The following BOC variants were observed in gnomAD, a reference collection of about 807,000 sequenced individuals.
The protein encoded by BOC is brother of CDO.
In BOC, 76 loss-of-function variants were observed where a neutral mutation model predicts 112.0. The ratio of observed to expected loss-of-function variants is 0.68; its 90% confidence interval spans 0.56 to 0.82. The LOEUF (loss-of-function observed/expected upper bound fraction) is 0.82, where lower values mean the gene tolerates loss of function less well. BOC is among the 40% of genes least tolerant of loss of function. BOC has a pLI of 0.00. For missense variants in BOC, 1,309 were observed against 1,511.7 expected (o/e 0.87, Z 2.22); for synonymous variants, 580 against 599.8 (o/e 0.97, Z 0.48).
intron 18 of BOC, among the ~76,000 whole-genome samples, chr3:113,285,077 G>A (rs16860787): frequency 0.2 from 29,692 of 152,248 alleles, 3,625 homozygotes; most frequent in East Asian, 0.44. Flanking sequence ...TTGGCATCTC[G>A]GAATCCTCCG....
At chr3:113,276,230 C>A (rs944961630) in intron 9 of BOC, among the ~76,000 whole-genome samples, 4 of 152,230 alleles carry the variant, frequency 2.6e-5, no homozygotes, top group Non-Finnish European at 5.9e-5. Context: ...GGCCGTGAAG[C>A]AGCCTCGCAG....
rs777871713 is a variant in BOC at position 113,273,215 on chromosome 3, C to T, written c.1108C>T (p.Arg370Trp). 2.7e-5 allele frequency: 43 copies of T among 1,613,716 alleles called. No individual in the cohort carries two copies. In the Middle Eastern group the frequency reaches 6.6e-4, roughly 25 times the overall value. ...GCCCCTCATCTCCAGCCAGCGCCTCCGGCTCTCCCGCAGGGCCCTGCGCGT... is the reference window on the plus strand; with the variant it reads ...GCCCCTCATCTCCAGCCAGCGCCTCTGGCTCTCCCGCAGGGCCCTGCGCGT... ...AVPLISSQRL[R>W]LSRRALRVLS... The change falls in exon 8 of 20, where the codon CGG (arginine) becomes TGG (tryptophan). Residue 370 changes from arginine to tryptophan, a missense_variant. Physicochemically the swap from Arg to Trp is moderately radical, Grantham distance 101. Coordinates refer to ENST00000682979, the MANE Select transcript of BOC (RefSeq NM_001378074.1).
At chr3:113,271,413 G>A (rs571524901) in intron 6 of BOC, 172 of 345,920 alleles carry the variant, frequency 5.0e-4, no homozygotes, top group African/African-American at 3.5e-3. Flanking sequence ...GTGAGCTTCC[G>A]GGAGGCCCAC....
At position 113,286,907 on chromosome 3, in the gene BOC, A is replaced by C. The variant is rs5022662; in HGVS notation, c.*45A>C. The C allele has an allele frequency of 2.7e-6, 3 of 1,123,124 alleles. No homozygotes were observed. Among genetic ancestry groups the C allele is most frequent in the Non-Finnish European group, 2.4e-6 (2 of 835,170 alleles). 69.6% of individuals were successfully genotyped at this position (1,123,124 alleles called of 1,614,324 possible). ...AAAGACTATATATTGTTTTTTTTTT[A>C]AAAAAAAAAAGAAGAAAAAAGAGAC... On this transcript the variant is annotated 3_prime_UTR_variant, in exon 20 of 20. Coordinates refer to ENST00000682979, the MANE Select transcript of BOC (RefSeq NM_001378074.1).
Position 113,278,913 on chromosome 3 carries a change from A to G in BOC, c.1816+130A>G. 1.3e-6 allele frequency: 1 copy of G among 761,612 alleles called. No individual in the cohort carries two copies. Among genetic ancestry groups the G allele is most frequent in the Non-Finnish European group, 2.1e-6 (1 of 471,290 alleles). 47.2% of individuals were successfully genotyped at this position (761,612 alleles called of 1,614,324 possible). On this transcript the variant is annotated intron_variant, in intron 11 of 19. Coordinates refer to ENST00000682979, the MANE Select transcript of BOC (RefSeq NM_001378074.1). This position sits in a 1 kb window ranked among gnomAD's most constrained non-coding sequence, Gnocchi z 4.2. Reference sequence around the variant, plus strand: ...TTATGACATCTCCCAGTTAACCACAATGAGGAAATGTAGTTTGGAGCTTTT... The same window carrying G: ...TTATGACATCTCCCAGTTAACCACAGTGAGGAAATGTAGTTTGGAGCTTTT...
chr3:113,222,657 C>T (rs780508704), intron 2 of BOC, among the ~76,000 whole-genome samples: 54 of 152,344 alleles, frequency 3.5e-4, no homozygotes, highest in Non-Finnish European at 5.0e-4. Context: ...ATCTGTTGAA[C>T]GTCTGCTTTG....
intron 2 of BOC, among the ~76,000 whole-genome samples, chr3:113,218,244 C>T (rs540266750): frequency 1.3e-5 from 2 of 152,220 alleles, no homozygotes; most frequent in South Asian, 2.1e-4. Flanking sequence ...AGCCCTCCCC[C>T]ACCTTCCCTG....
intron 2 of BOC, among the ~76,000 whole-genome samples, 161 bp from the exon 3 acceptor site, chr3:113,249,561 T>C (rs1559838579): frequency 6.6e-6 from 1 of 152,132 alleles, no homozygotes; most frequent in Non-Finnish European, 1.5e-5. Flanking sequence ...AGATGAGAAA[T>C]GGCACTATAG....
Position 113,273,075 on chromosome 3 carries a change from C to G in BOC, c.968C>G (p.Pro323Arg), listed in dbSNP as rs1229800415. Reference sequence around the variant, plus strand: ...TGCTCTGGTTTCCTGGCAGAACCCCCTGAGGTCACCATGGAGCTATCCCAG... The same window carrying G: ...TGCTCTGGTTTCCTGGCAGAACCCCGTGAGGTCACCATGGAGCTATCCCAG... The part of the protein sequence containing the change: ...ILYNVQVFEP[P>R]EVTMELSQLV... Residue 323 changes from proline to arginine, a missense_variant, in exon 8 of 20, where the codon CCT (proline) becomes CGT (arginine). Transcript: ENST00000682979. The G allele has an allele frequency of 6.3e-7, 1 of 1,599,410 alleles. No homozygotes were observed.
At chr3:113,272,828 A>G (rs560203947) in intron 7 of BOC, 125 bp downstream of exon 7, 3 of 1,234,366 alleles carry the variant, frequency 2.4e-6, no homozygotes, top group Non-Finnish European at 2.3e-6. Context: ...TGAGTGAGGA[A>G]CAGGCATGCT....
chr3:113,252,817 C>A (rs1034455260), intron 4 of BOC, among the ~76,000 whole-genome samples: 1 of 152,106 alleles, frequency 6.6e-6, no homozygotes, highest in African/African-American at 2.4e-5. Flanking sequence ...TGCCTGGCCT[C>A]GGGGAGCAGC....
chr3:113,265,256 C>T (rs150685404), intron 4 of BOC, among the ~76,000 whole-genome samples: 3 of 152,298 alleles, frequency 2.0e-5, no homozygotes, highest in South Asian at 2.1e-4. Flanking sequence ...TGCCAAACTC[C>T]TTTCAGTTCC....
At chr3:113,216,307 C>G in intron 2 of BOC, 33 bp downstream of exon 2, 1 of 456,066 alleles carries the variant, frequency 2.2e-6, no homozygotes, top group Non-Finnish European at 4.4e-6. Flanking sequence ...TCTGATAGCT[C>G]TGGCCTATTA....
At chr3:113,286,043 G>A (rs1034725457) in intron 19 of BOC, among the ~76,000 whole-genome samples, 2 of 152,076 alleles carry the variant, frequency 1.3e-5, no homozygotes, top group African/African-American at 2.4e-5. Context: ...GTACTTCCAC[G>A]GAACTTTTTC....
At chr3:113,223,311 G>C (rs1941071394) in intron 2 of BOC, among the ~76,000 whole-genome samples, 1 of 152,148 alleles carries the variant, frequency 6.6e-6, no homozygotes, top group African/African-American at 2.4e-5. Context: ...TTATAGAAAA[G>C]GTTAAGCAAA....
At position 113,286,843 on chromosome 3, in the gene BOC, C is replaced by T. The variant is rs149227964; in HGVS notation, c.3329C>T (p.Thr1110Ile). 19 of 1,589,884 alleles carry T rather than the reference C, an allele frequency of 1.2e-5. No homozygotes were observed. The highest frequency in any genetic ancestry group is 1.5e-5 in the Non-Finnish European group (18 of 1,170,632). ...CCACTGGTGCGTGTGTCTTTTGAAA[C>T]ACCACCTCTCACAATTTAGGCAGAA... ...PGPLVRVSFE[T>I]PPLTI The change falls in exon 20 of 20, where the codon ACA becomes ATA. Residue 1110 changes from threonine to isoleucine, a missense_variant. Physicochemically the swap from Thr to Ile is moderately conservative, Grantham distance 89. Transcript: ENST00000682979.
chr3:113,216,947 C>T (rs1287323936), intron 2 of BOC, among the ~76,000 whole-genome samples: 2 of 152,084 alleles, frequency 1.3e-5, no homozygotes, highest in Non-Finnish European at 2.9e-5. Flanking sequence ...AAAAATTACC[C>T]GAAGCTGAGC....
rs377030774 is a variant in BOC at position 113,274,499 on chromosome 3, G to A, written c.1359G>A (p.Thr453=). The A allele has an allele frequency of 2.5e-5, 41 of 1,612,966 alleles. No individual in the cohort carries two copies. In the South Asian group the frequency reaches 2.9e-4, roughly 11 times the overall value. The change falls in exon 9 of 20, where the codon ACG becomes ACA. Residue 453 remains threonine, a synonymous_variant. Coordinates refer to ENST00000682979, the MANE Select transcript of BOC (RefSeq NM_001378074.1). The surrounding 1 kb of genome is among the most constrained non-coding windows in gnomAD (Gnocchi z 4.8). ...RGQPALPRPP[T]SVGPASPQCP... ...AACCGGCGCTCCCCAGACCCCCAAC[G>A]TCAGTGGGGCCTGCTTCCCCGCAGT...
chr3:113,252,418 A>T (rs541961123), intron 4 of BOC, among the ~76,000 whole-genome samples: 7 of 152,286 alleles, frequency 4.6e-5, no homozygotes, highest in African/African-American at 1.7e-4. Context: ...GCGGTGCTAC[A>T]TCATGGGGCT....
Sources: allele counts gnomAD v4.1 joint callset (sites outside exome capture counted in the v4.1 genomes callset), GRCh38; gene constraint gnomAD v4.1.1; non-coding constraint Gnocchi (gnomAD v3.1); transcripts MANE v1.5; gene names NCBI Gene and HGNC (gene_info 2026-07-23, HGNC 2026-07-21).